The following SRGAP1 variants were observed in gnomAD, a reference collection of about 807,000 sequenced individuals.
SRGAP1 encodes SLIT-ROBO Rho GTPase activating protein 1.
Under a neutral mutation model 121.9 loss-of-function variants are expected in SRGAP1, and 43 were observed. That is an observed-to-expected ratio of 0.35 (90% CI 0.28 to 0.46). SRGAP1 has a LOEUF of 0.46. Ranked by LOEUF, SRGAP1 falls within the 20% of genes least tolerant of loss-of-function variation. The probability of loss-of-function intolerance (pLI) is 1.00; values close to 1 mark genes in which losing one functional copy is unlikely to be tolerated. For missense variants in SRGAP1, 1,102 were observed against 1,350.9 expected (o/e 0.82, Z 2.89); for synonymous variants, 447 against 485.4 (o/e 0.92, Z 1.04).
At chr12:64,122,787 A>T (rs1368340624) in intron 18 of SRGAP1, among the ~76,000 whole-genome samples, 2 of 152,046 alleles carry the variant, frequency 1.3e-5, no homozygotes, top group Non-Finnish European at 2.9e-5. Flanking sequence ...AGTCCCGGCT[A>T]CTCGAGAGGC....
At chr12:63,860,840 T>A (rs1205632949) in intron 1 of SRGAP1, among the ~76,000 whole-genome samples, 1 of 147,186 alleles carries the variant, frequency 6.8e-6, no homozygotes, top group African/African-American at 2.5e-5. Flanking sequence ...TTTTTTTTTT[T>A]AAAGAGAAAG....
Position 64,142,838 on chromosome 12 carries a change from G to T in SRGAP1, c.*166G>T. 2 of 903,352 alleles carry T rather than the reference G, an allele frequency of 2.2e-6. No homozygotes were observed. The allele number at this position is 903,352 out of a possible 1,614,324, so 56.0% of individuals were successfully genotyped here. A position where few individuals can be genotyped will look rare whatever the true frequency, so the allele number is the denominator to read the frequency against. On this transcript the variant is annotated 3_prime_UTR_variant, in exon 22 of 22. Coordinates refer to ENST00000355086, the MANE Select transcript of SRGAP1 (RefSeq NM_020762.4). ...TGTCTGAGACTAGCTAAATTAACACGGGCATTTGTATTTTGTAATTTTTTT... is the reference window on the plus strand; with the variant it reads ...TGTCTGAGACTAGCTAAATTAACACTGGCATTTGTATTTTGTAATTTTTTT...
intron 11 of SRGAP1, among the ~76,000 whole-genome samples, chr12:64,089,398 T>C (rs1031426015): frequency 4.6e-5 from 7 of 152,214 alleles, no homozygotes; most frequent in Non-Finnish European, 1.0e-4. Context: ...GGTGCTTCCT[T>C]CTGTGGCCTC....
intron 18 of SRGAP1, among the ~76,000 whole-genome samples, chr12:64,122,399 T>C (rs1417501323): frequency 6.6e-6 from 1 of 152,216 alleles, no homozygotes. Flanking sequence ...GACTAAGATG[T>C]GTGTAAATAG....
At chr12:64,095,398 A>G (rs2036135659) in intron 14 of SRGAP1, among the ~76,000 whole-genome samples, 194 bp downstream of exon 14, 1 of 152,242 alleles carries the variant, frequency 6.6e-6, no homozygotes, top group South Asian at 2.1e-4. Context: ...TATTAAAATT[A>G]GAAAAGCATA....
At chr12:63,972,660 A>T (rs1436133630) in intron 1 of SRGAP1, among the ~76,000 whole-genome samples, 1 of 152,246 alleles carries the variant, frequency 6.6e-6, no homozygotes, top group African/African-American at 2.4e-5. Flanking sequence ...CTTATAATAC[A>T]TTATAGTTCA....
At chr12:63,970,009 T>A (rs181872586) in intron 1 of SRGAP1, among the ~76,000 whole-genome samples, 50 of 152,268 alleles carry the variant, frequency 3.3e-4, no homozygotes, top group Non-Finnish European at 5.7e-4. Context: ...AAATTTTTCT[T>A]ACTCCCCTTG....
chr12:64,097,055 G>A (rs2036169074), intron 14 of SRGAP1, among the ~76,000 whole-genome samples, 186 bp from the exon 15 acceptor site: 1 of 152,094 alleles, frequency 6.6e-6, no homozygotes, highest in African/African-American at 2.4e-5. Context: ...TTAGTCAACT[G>A]TTTTTAGGTT....
intron 1 of SRGAP1, among the ~76,000 whole-genome samples, chr12:63,849,445 G>T (rs1463207345): frequency 6.6e-6 from 1 of 152,222 alleles, no homozygotes; most frequent in South Asian, 2.1e-4. Flanking sequence ...TAGTTGCTAA[G>T]AATTGACAGT....
chr12:64,105,111 T>G (rs2036323412), intron 15 of SRGAP1, among the ~76,000 whole-genome samples: 1 of 152,126 alleles, frequency 6.6e-6, no homozygotes, highest in Non-Finnish European at 1.5e-5. Context: ...CTGCTTTCTG[T>G]CTCTATGCAT....
intron 1 of SRGAP1, among the ~76,000 whole-genome samples, chr12:63,867,786 C>T (rs1389153280): frequency 6.6e-6 from 1 of 151,648 alleles, no homozygotes; most frequent in Non-Finnish European, 1.5e-5. Flanking sequence ...TTAAAACTCA[C>T]TCATTTCCAA....
intron 3 of SRGAP1, among the ~76,000 whole-genome samples, chr12:63,992,652 A>C (rs924267061): frequency 1.9e-4 from 27 of 140,890 alleles, no homozygotes; most frequent in African/African-American, 7.1e-4. Context: ...TGGAGAATGC[A>C]CAGTAAATAC....
chr12:63,958,289 A>C (rs1285361438), intron 1 of SRGAP1, among the ~76,000 whole-genome samples: 1 of 152,122 alleles, frequency 6.6e-6, no homozygotes, highest in Non-Finnish European at 1.5e-5. Flanking sequence ...CCATCCTCAG[A>C]GTGCCACTCT....
intron 3 of SRGAP1, among the ~76,000 whole-genome samples, chr12:64,011,048 T>C (rs751295375): frequency 6.6e-6 from 1 of 151,866 alleles, no homozygotes; most frequent in Non-Finnish European, 1.5e-5. Context: ...AGGGAGAGTC[T>C]AGGAAAGAGG....
intron 12 of SRGAP1, among the ~76,000 whole-genome samples, chr12:64,093,006 T>C (rs369798603): frequency 3.9e-5 from 6 of 152,292 alleles, no homozygotes; most frequent in African/African-American, 7.2e-5. Flanking sequence ...AGATGGCACA[T>C]TGAAGAATCT....
chr12:63,925,714 C>T (rs747518342), intron 1 of SRGAP1, among the ~76,000 whole-genome samples: 2 of 152,100 alleles, frequency 1.3e-5, no homozygotes, highest in South Asian at 2.1e-4. Context: ...TTGATTGCTG[C>T]GCTTATACTG....
intron 11 of SRGAP1, 47 bp from the exon 12 acceptor site, chr12:64,091,229 A>T: frequency 7.3e-7 from 1 of 1,364,880 alleles, no homozygotes; most frequent in Non-Finnish European, 1.0e-6. Flanking sequence ...TGTTTCATTT[A>T]TTGTTTGATT....
intron 1 of SRGAP1, among the ~76,000 whole-genome samples, chr12:63,883,663 C>CT (rs144792182): frequency 0.088 from 12,578 of 142,380 alleles, 601 homozygotes; most frequent in East Asian, 0.14. Context: ...TTTCTTTTTT[C>CT]TTTTTTTTTT....
In SRGAP1 at chr12:63,930,040, A is replaced by C. The variant is rs553828829; in HGVS notation, c.68-53907A>C. On this transcript the variant is annotated intron_variant, in intron 1 of 21. Coordinates refer to ENST00000355086, the MANE Select transcript of SRGAP1 (RefSeq NM_020762.4). ...AATGGCAATTATTAAAAAGTCAGGA[A>C]ACAATAGATGCTGGTGAGGTTGTGG... Among the ~76,000 whole-genome samples, 5 of 152,318 alleles carry C rather than the reference A, an allele frequency of 3.3e-5. No homozygotes were observed. The South Asian group carries it at 1.0e-3, about 32-fold the overall frequency.
Sources: allele counts gnomAD v4.1 joint callset (sites outside exome capture counted in the v4.1 genomes callset), GRCh38; gene constraint gnomAD v4.1.1; transcripts MANE v1.5; gene names NCBI Gene and HGNC (gene_info 2026-07-23, HGNC 2026-07-21).